GPHN: variants seen among roughly 807,000 people sequenced by gnomAD.
GPHN encodes gephyrin.
GPHN carries 17 observed loss-of-function variants against 95.5 expected under a neutral mutation model. The ratio of observed to expected loss-of-function variants is 0.18; its 90% CI spans 0.12 to 0.27. GPHN has a LOEUF of 0.27. Among genes scored for constraint, GPHN ranks in the 10% least tolerant of loss-of-function variants. The pLI, the probability that GPHN is intolerant of heterozygous loss-of-function variation, is 1.00. For synonymous variants in GPHN, 320 were observed against 322.5 expected (o/e 0.99, Z 0.08); for missense variants, 660 against 978.1 (o/e 0.67, Z 4.34).
At chr14:67,362,122 G>C in the GPHN span, among the ~76,000 whole-genome samples, 1 of 150,950 alleles carries the variant, frequency 6.6e-6, no homozygotes, top group African/African-American at 2.4e-5. Context: ...CTGGGTTCAA[G>C]GGATTCTCCT....
the GPHN span, among the ~76,000 whole-genome samples, chr14:67,516,718 G>A: frequency 1.3e-5 from 2 of 152,186 alleles, no homozygotes; most frequent in Non-Finnish European, 2.9e-5. Context: ...CTCAAAGCTG[G>A]GAGTAGGAAA....
chr14:67,720,056 A>G, the GPHN span, among the ~76,000 whole-genome samples: 2 of 152,240 alleles, frequency 1.3e-5, no homozygotes, highest in Non-Finnish European at 2.9e-5. Flanking sequence ...CGAGCAATGC[A>G]TCAGCATTAT....
chr14:67,262,551 C>A, the GPHN span, among the ~76,000 whole-genome samples: 1 of 152,080 alleles, frequency 6.6e-6, no homozygotes, highest in Non-Finnish European at 1.5e-5. Flanking sequence ...CTGCTACTTC[C>A]CTTTATCCTG....
intron 2 of GPHN, among the ~76,000 whole-genome samples, chr14:66,721,649 G>A (rs779047521): frequency 2.0e-5 from 3 of 152,028 alleles, no homozygotes; most frequent in Non-Finnish European, 2.9e-5. Context: ...TCAAAGATAC[G>A]TTATGTAGAA....
the GPHN span, chr14:67,203,323 C>A: frequency 6.6e-7 from 1 of 1,522,832 alleles, no homozygotes; most frequent in Non-Finnish European, 8.9e-7. Flanking sequence ...GGTTAAAGAT[C>A]TCTCAGAAGA....
intron 8 of GPHN, among the ~76,000 whole-genome samples, chr14:66,949,617 A>G (rs1295427355): frequency 6.6e-6 from 1 of 152,212 alleles, no homozygotes; most frequent in Non-Finnish European, 1.5e-5. Flanking sequence ...TTCTTTGTAC[A>G]TAGGTGCTTT....
At position 66,916,004 on chromosome 14, in the gene GPHN, C is replaced by A; in HGVS notation, c.391C>A (p.Pro131Thr). 6.3e-7 allele frequency: 1 copy of A among 1,579,820 alleles called. No individual in the cohort carries two copies. The highest frequency in any genetic ancestry group is 8.7e-7 in the Non-Finnish European group (1 of 1,148,742). The change falls in exon 6 of 23, where the codon CCT (proline) becomes ACT (threonine). Residue 131 changes from proline to threonine, a missense_variant and splice_region_variant. Pro to Thr is a conservative substitution (Grantham distance 38, BLOSUM62 -1). This residue lies in a region of GPHN where 71 missense variants were observed against 130.8 expected (regional missense o/e 0.54). Transcript: ENST00000478722. ...NVTPLGMLSR[P>T]VCGIRGKTLI... ...CATCTACTTTCTCTTTTCTTTCAGG[C>A]CTGTATGTGGAATCAGAGGGAAAAC... is the stretch of plus-strand genomic sequence containing the variant.
At chr14:66,843,008 C>T (rs1468024236) in intron 4 of GPHN, among the ~76,000 whole-genome samples, 1 of 152,108 alleles carries the variant, frequency 6.6e-6, no homozygotes, top group Non-Finnish European at 1.5e-5. Flanking sequence ...GCCTCACTCT[C>T]AATCTCATCT....
At chr14:66,621,369 C>A (rs1444904649) in intron 1 of GPHN, among the ~76,000 whole-genome samples, 5 of 151,342 alleles carry the variant, frequency 3.3e-5, no homozygotes, top group Non-Finnish European at 1.5e-5. Flanking sequence ...CCTGCCTCGG[C>A]CTCCCAAAGT....
At chr14:67,431,103 G>A in the GPHN span, among the ~76,000 whole-genome samples, 1 of 152,054 alleles carries the variant, frequency 6.6e-6, no homozygotes, top group African/African-American at 2.4e-5. Context: ...GATAAAAAGG[G>A]TTCAGCATAG....
chr14:66,663,239 A>G (rs965992627), intron 1 of GPHN, among the ~76,000 whole-genome samples: 3 of 152,216 alleles, frequency 2.0e-5, no homozygotes, highest in Admixed American at 6.5e-5. Context: ...AGGCCAGGCA[A>G]CCTACAAAGG....
chr14:67,479,529 C>T, the GPHN span, among the ~76,000 whole-genome samples: 1 of 151,538 alleles, frequency 6.6e-6, no homozygotes, highest in Non-Finnish European at 1.5e-5. Flanking sequence ...ACCAGCCTGG[C>T]CAACATGGTG....
At position 66,675,205 on chromosome 14, in the gene GPHN, A is replaced by T. The variant is rs149359235; in HGVS notation, c.65-5902A>T. On this transcript the variant is annotated intron_variant, in intron 1 of 22. Transcript: ENST00000478722. ...GTTGCCCATGCTGAAGTCGAATGGC[A>T]CGATCTCGGCTCACTGCAACCTCTG... Among the ~76,000 whole-genome samples, 173 of 145,784 alleles carry T rather than the reference A, an allele frequency of 1.2e-3. No individual in the cohort carries two copies. The Middle Eastern group carries it at 0.014, about 12-fold the overall frequency.
chr14:67,648,462 A>G, the GPHN span: 1 of 252,422 alleles, frequency 4.0e-6, no homozygotes, highest in Non-Finnish European at 7.5e-6. Flanking sequence ...AAACTGATGC[A>G]GTTCTTTGAG....
intron 2 of GPHN, among the ~76,000 whole-genome samples, chr14:66,753,086 T>G (rs144681740): frequency 6.6e-6 from 1 of 152,216 alleles, no homozygotes; most frequent in Admixed American, 6.6e-5. Flanking sequence ...GGCCCTGATT[T>G]TCAACCATGT....
the GPHN span, among the ~76,000 whole-genome samples, chr14:67,414,691 G>T: frequency 1.3e-5 from 2 of 152,252 alleles, no homozygotes; most frequent in Admixed American, 6.5e-5. Context: ...TCTATCATTA[G>T]AGATTCATTC....
At chr14:67,019,648 C>A (rs1186159557) in intron 9 of GPHN, among the ~76,000 whole-genome samples, 1 of 152,134 alleles carries the variant, frequency 6.6e-6, no homozygotes, top group East Asian at 1.9e-4. Context: ...TCCTCCCTCA[C>A]TTCTGTGAAA....
intron 5 of GPHN, among the ~76,000 whole-genome samples, chr14:66,902,053 A>G (rs923937356): frequency 2.0e-5 from 3 of 151,744 alleles, no homozygotes; most frequent in Non-Finnish European, 4.4e-5. Flanking sequence ...TCTTTCATCA[A>G]TGTTTTATGG....
chr14:67,349,143 C>T, the GPHN span: 1 of 1,588,066 alleles, frequency 6.3e-7, no homozygotes, highest in Non-Finnish European at 8.6e-7. Context: ...GCAGACTCTT[C>T]AGAAATAAAC....
Sources: allele counts gnomAD v4.1 joint callset (sites outside exome capture counted in the v4.1 genomes callset), GRCh38; gene constraint gnomAD v4.1.1; regional missense constraint gnomAD v4.1.1; transcripts MANE v1.5; gene names NCBI Gene and HGNC (gene_info 2026-07-23, HGNC 2026-07-21).